Variants in SIK3 observed in about 807,000 individuals in gnomAD.
The protein encoded by SIK3 is SIK family kinase 3.
A neutral mutation model predicts 144.2 loss-of-function variants in SIK3; 28 were observed. The observed-to-expected ratio is 0.19, with a 90% CI of 0.14 to 0.27. The LOEUF (loss-of-function observed/expected upper bound fraction) is 0.27, where lower values mean the gene tolerates loss of function less well. Ranked by LOEUF, SIK3 falls within the 10% of genes least tolerant of loss-of-function variation. The pLI, the probability that SIK3 is intolerant of heterozygous loss-of-function variation, is 1.00. For missense variants in SIK3, 1,319 were observed against 1,776.0 expected (o/e 0.74, Z 4.62); for synonymous variants, 686 against 676.3 (o/e 1.01, Z -0.22).
At chr11:116,950,805 T>C (rs1272777177) in intron 3 of SIK3, among the ~76,000 whole-genome samples, 1 of 152,234 alleles carries the variant, frequency 6.6e-6, no homozygotes, top group Admixed American at 6.5e-5. Context: ...TGCAGTAGCC[T>C]GGACGGGAAT....
intron 1 of SIK3, among the ~76,000 whole-genome samples, chr11:116,986,410 T>C (rs749131281): frequency 6.6e-6 from 1 of 152,234 alleles, no homozygotes; most frequent in Non-Finnish European, 1.5e-5. Flanking sequence ...CCACTAATAC[T>C]GTTAGTATTA....
At chr11:116,935,381 TA>T (rs1565471261) in intron 3 of SIK3, among the ~76,000 whole-genome samples, 1 of 152,116 alleles carries the variant, frequency 6.6e-6, no homozygotes, top group African/African-American at 2.4e-5. Flanking sequence ...ACACTTTTTT[TA>T]CTCTTCATTT....
At chr11:116,999,162 T>C (rs758034733) in intron 1 of SIK3, among the ~76,000 whole-genome samples, 3 of 152,234 alleles carry the variant, frequency 2.0e-5, no homozygotes, top group Non-Finnish European at 4.4e-5. Context: ...GACCATATTG[T>C]TTAAAATGTT....
At chr11:116,857,597 G>A in intron 21 of SIK3, 4 of 694,204 alleles carry the variant, frequency 5.8e-6, no homozygotes, top group Non-Finnish European at 2.3e-6. Context: ...TATTGACTAA[G>A]TGTTAATTTT....
At chr11:116,945,914 C>A (rs7924318) in intron 3 of SIK3, among the ~76,000 whole-genome samples, 30 of 152,146 alleles carry the variant, frequency 2.0e-4, no homozygotes, top group Non-Finnish European at 1.8e-4. Flanking sequence ...GGTCTCTACC[C>A]TCTCACCCTT....
At chr11:116,897,069 TGAAA>T in intron 5 of SIK3, 120 bp downstream of exon 5, 1 of 1,045,526 alleles carries the variant, frequency 9.6e-7, no homozygotes, top group Non-Finnish European at 1.3e-6. Context: ...AATTGGGACT[TGAAA>T]GAACAGGTGA....
intron 4 of SIK3, among the ~76,000 whole-genome samples, chr11:116,905,263 C>T (rs1285084002): frequency 6.6e-6 from 1 of 152,220 alleles, no homozygotes; most frequent in Non-Finnish European, 1.5e-5. Context: ...GAGGTTCATC[C>T]ATGTTGTTGC....
chr11:117,084,386 C>T (rs1954918317), intron 1 of SIK3, among the ~76,000 whole-genome samples: 1 of 152,054 alleles, frequency 6.6e-6, no homozygotes, highest in South Asian at 2.1e-4. Flanking sequence ...TGCCTCAGAC[C>T]TCTCGAGTAG....
intron 6 of SIK3, among the ~76,000 whole-genome samples, chr11:116,882,078 T>G (rs1260343152): frequency 3.9e-5 from 6 of 152,184 alleles, no homozygotes; most frequent in African/African-American, 1.4e-4. Context: ...CTCTGGCAGA[T>G]CAGATGCCAT....
intron 4 of SIK3, among the ~76,000 whole-genome samples, chr11:116,898,291 A>T (rs1945536141): frequency 6.6e-6 from 1 of 152,296 alleles, no homozygotes; most frequent in South Asian, 2.1e-4. Context: ...ATGTCCCTAC[A>T]AAGGACATGA....
At chr11:117,095,154 C>CT (rs1466439834) in intron 1 of SIK3, among the ~76,000 whole-genome samples, 1 of 130,094 alleles carries the variant, frequency 7.7e-6, no homozygotes, top group Non-Finnish European at 1.6e-5. Flanking sequence ...ATGAGGTTTA[C>CT]TTTAGTCTCT....
chr11:117,060,155 TA>T (rs1178195968), intron 1 of SIK3, among the ~76,000 whole-genome samples: 4 of 152,312 alleles, frequency 2.6e-5, no homozygotes, highest in African/African-American at 9.6e-5. Context: ...GACAATGGAA[TA>T]TTAGTGCTAA....
chr11:116,970,642 G>A (rs1049497712), intron 1 of SIK3, among the ~76,000 whole-genome samples: 13 of 150,242 alleles, frequency 8.7e-5, no homozygotes, highest in Admixed American at 2.0e-4. Flanking sequence ...GAGCCACCAC[G>A]CCCGGCTGTA....
chr11:117,051,480 CTATAGA>C, intron 1 of SIK3, among the ~76,000 whole-genome samples: 1 of 152,044 alleles, frequency 6.6e-6, no homozygotes, highest in East Asian at 1.9e-4. Flanking sequence ...TCTTCTATAT[CTATAGA>C]TATAGATATG....
Position 117,098,367 on chromosome 11 carries a change from TC to T in SIK3, c.48del (p.Thr17LeufsTer81). 8.6e-7 allele frequency: 1 copy of T among 1,159,998 alleles called. No homozygotes were observed. The highest frequency in any genetic ancestry group is 1.1e-6 in the Non-Finnish European group (1 of 946,266). The allele number at this position is 1,159,998 out of a possible 1,614,324, so 71.9% of individuals were successfully genotyped here. On this transcript the variant is annotated frameshift_variant, in exon 1 of 25. Coordinates refer to ENST00000445177, the MANE Select transcript of SIK3 (RefSeq NM_001366686.3). LOFTEE classifies it high-confidence loss of function. ...ASGAGGAAGA[G>X]TGGAGPAGRL... ...CGGCCCGCGGGCCCGGCTCCCCCAG[TC>T]CCGGCCCCGGCAGCCCCGCCAGCTC...
In SIK3 at chr11:116,873,586, G is replaced by C; in HGVS notation, c.1632C>G (p.Gly544=). The part of the protein sequence containing the change: ...PPTLQLLNGM[G]PLGRRASDGG... ...CATCTGATGCCCTCCGGCCAAGGGGGCCCATTCCATTCAACAGCTGTAGCG... is the reference window on the plus strand; with the variant it reads ...CATCTGATGCCCTCCGGCCAAGGGGCCCCATTCCATTCAACAGCTGTAGCG... Residue 544 remains glycine (G), a synonymous_variant, in exon 13 of 25, where the codon GGC becomes GGG. Coordinates refer to ENST00000445177, the MANE Select transcript of SIK3 (RefSeq NM_001366686.3). 1.2e-6 allele frequency: 2 copies of C among 1,603,522 alleles called. No homozygotes were observed. Among genetic ancestry groups the C allele is most frequent in the East Asian group, 4.5e-5 (2 of 44,812 alleles).
chr11:117,058,212 T>A (rs934906322), intron 1 of SIK3, among the ~76,000 whole-genome samples: 1 of 151,996 alleles, frequency 6.6e-6, no homozygotes, highest in Non-Finnish European at 1.5e-5. Context: ...ACCAGAAAGA[T>A]CCTGTTAAAC....
chr11:116,969,035 A>G (rs1280382555), intron 1 of SIK3, among the ~76,000 whole-genome samples: 1 of 152,178 alleles, frequency 6.6e-6, no homozygotes, highest in Non-Finnish European at 1.5e-5. Context: ...TCATGCCTGT[A>G]ATCCCAGCAT....
At chr11:116,905,650 A>G (rs1945990798) in intron 4 of SIK3, among the ~76,000 whole-genome samples, 1 of 152,228 alleles carries the variant, frequency 6.6e-6, no homozygotes, top group African/African-American at 2.4e-5. Context: ...TTGTCAATTC[A>G]GCTGTCCCAG....
Sources: allele counts gnomAD v4.1 joint callset (sites outside exome capture counted in the v4.1 genomes callset), GRCh38; gene constraint gnomAD v4.1.1; transcripts MANE v1.5; gene names NCBI Gene and HGNC (gene_info 2026-07-23, HGNC 2026-07-21).